Variants in EXOC4 observed in about 807,000 individuals in gnomAD.
EXOC4 encodes SEC8-like 1.
EXOC4 carries 71 observed loss-of-function variants against 107.2 expected under a neutral mutation model. The ratio of observed to expected loss-of-function variants is 0.66; its 90% CI spans 0.55 to 0.81. The LOEUF (loss-of-function observed/expected upper bound fraction) is 0.81. Among genes scored for constraint, EXOC4 ranks in the 30% least tolerant of loss-of-function variants. The pLI, the probability that EXOC4 is intolerant of heterozygous loss-of-function variation, is 0.00. For synonymous variants in EXOC4, 456 were observed against 441.2 expected (o/e 1.03, Z -0.42); for missense variants, 1,108 against 1,189.6 (o/e 0.93, Z 1.01).
intron 14 of EXOC4, 70 bp from the exon 15 acceptor site, chr7:133,997,422 A>G: frequency 6.4e-7 from 1 of 1,574,094 alleles, no homozygotes; most frequent in African/African-American, 1.3e-5. Context: ...GAACAGCAAA[A>G]TAATATGTCA....
chr7:133,312,881 G>A (rs575013910), intron 4 of EXOC4, among the ~76,000 whole-genome samples: 10 of 151,594 alleles, frequency 6.6e-5, no homozygotes, highest in Admixed American at 3.9e-4. Flanking sequence ...CTTTATAATC[G>A]GATAAAATTA....
intron 3 of EXOC4, among the ~76,000 whole-genome samples, chr7:133,293,326 T>G (rs1447032827): frequency 6.6e-6 from 1 of 152,162 alleles, no homozygotes; most frequent in African/African-American, 2.4e-5. Context: ...TGAAAAACAA[T>G]CACATTTTCT....
intron 2 of EXOC4, among the ~76,000 whole-genome samples, chr7:133,280,727 C>T (rs1794117166): frequency 6.6e-6 from 1 of 151,958 alleles, no homozygotes; most frequent in South Asian, 2.1e-4. Context: ...TGGTAGATAC[C>T]TAAAATAATT....
chr7:133,479,130 TAGA>T (rs1336275723), intron 8 of EXOC4: 3 of 152,230 alleles, frequency 2.0e-5, no homozygotes, highest in Admixed American at 6.5e-5. Context: ...CAGTCATTCT[TAGA>T]AGGATTCCTC....
intron 10 of EXOC4, among the ~76,000 whole-genome samples, chr7:133,749,734 T>G (rs1795751933): frequency 6.6e-6 from 1 of 152,162 alleles, no homozygotes; most frequent in South Asian, 2.1e-4. Flanking sequence ...GTAAACCTAA[T>G]CTTGTTAAAC....
intron 9 of EXOC4, among the ~76,000 whole-genome samples, chr7:133,615,258 T>C (rs1802167892): frequency 6.6e-6 from 1 of 151,024 alleles, no homozygotes; most frequent in Admixed American, 6.6e-5. Flanking sequence ...CAACCCCTCC[T>C]CTTCTCCCTC....
intron 7 of EXOC4, among the ~76,000 whole-genome samples, chr7:133,451,566 AC>A (rs1798348684): frequency 6.6e-6 from 1 of 151,524 alleles, no homozygotes; most frequent in Non-Finnish European, 1.5e-5. Context: ...TGTTTGATGG[AC>A]TCAGTACTTA....
intron 7 of EXOC4, among the ~76,000 whole-genome samples, chr7:133,465,779 A>G (rs1291817446): frequency 6.6e-6 from 1 of 152,234 alleles, no homozygotes; most frequent in East Asian, 1.9e-4. Context: ...ACTTCTGAAT[A>G]TACCATGGGT....
At chr7:133,681,392 T>TA (rs57385978) in intron 10 of EXOC4, among the ~76,000 whole-genome samples, 27 of 151,754 alleles carry the variant, frequency 1.8e-4, no homozygotes, top group African/African-American at 4.4e-4. Flanking sequence ...ATTTTTTTTT[T>TA]AAATAAATGT....
chr7:133,666,425 G>T (rs1300726696), intron 10 of EXOC4, among the ~76,000 whole-genome samples: 1 of 152,166 alleles, frequency 6.6e-6, no homozygotes. Flanking sequence ...CATATATTAA[G>T]GTGGTGGACA....
At chr7:133,870,443 T>C (rs1473861120) in intron 11 of EXOC4, among the ~76,000 whole-genome samples, 4 of 152,346 alleles carry the variant, frequency 2.6e-5, no homozygotes, top group African/African-American at 9.6e-5. Context: ...TATTTGACTT[T>C]TTCTTCTCTA....
chr7:133,987,534 C>G (rs1483734253), intron 14 of EXOC4, among the ~76,000 whole-genome samples: 1 of 152,026 alleles, frequency 6.6e-6, no homozygotes, highest in Non-Finnish European at 1.5e-5. Context: ...TATTTTATCC[C>G]AAGTTAGAGT....
At chr7:133,558,640 A>G (rs555358852) in intron 9 of EXOC4, among the ~76,000 whole-genome samples, 9 of 152,106 alleles carry the variant, frequency 5.9e-5, no homozygotes, top group Admixed American at 3.3e-4. Flanking sequence ...AATTTTAAAC[A>G]TATAGATTTT....
intron 10 of EXOC4, among the ~76,000 whole-genome samples, chr7:133,652,519 C>T (rs1437034318): frequency 2.6e-5 from 4 of 151,768 alleles, no homozygotes; most frequent in Non-Finnish European, 5.9e-5. Flanking sequence ...AGTGGAGTTT[C>T]CCCCTTGCCC....
chr7:133,384,468 G>C (rs1056816020), intron 7 of EXOC4, among the ~76,000 whole-genome samples: 1 of 152,094 alleles, frequency 6.6e-6, no homozygotes, highest in Non-Finnish European at 1.5e-5. Context: ...TGCTGCTACC[G>C]CTCCTTTAAG....
intron 11 of EXOC4, among the ~76,000 whole-genome samples, chr7:133,826,391 G>A (rs776144054): frequency 2.6e-5 from 4 of 152,154 alleles, no homozygotes; most frequent in Non-Finnish European, 4.4e-5. Flanking sequence ...GGTGGGAAAT[G>A]CATATAAAAC....
chr7:133,824,387 G>T (rs947221587), intron 11 of EXOC4, among the ~76,000 whole-genome samples: 7 of 151,876 alleles, frequency 4.6e-5, no homozygotes, highest in African/African-American at 1.7e-4. Context: ...TGCTGTTTAC[G>T]CACCTTCTGT....
the EXOC4 span, among the ~76,000 whole-genome samples, chr7:134,095,000 G>A: frequency 0.47 from 71,068 of 151,708 alleles, 17,049 homozygotes; most frequent in East Asian, 0.62. Context: ...ATCCCAATAG[G>A]AAAAGTCAAA....
intron 10 of EXOC4, among the ~76,000 whole-genome samples, chr7:133,708,153 T>G (rs1219462798): frequency 6.6e-6 from 1 of 152,194 alleles, no homozygotes. Flanking sequence ...ATATGACTCC[T>G]TGTTACAAGG....
Sources: allele counts gnomAD v4.1 joint callset (sites outside exome capture counted in the v4.1 genomes callset), GRCh38; gene constraint gnomAD v4.1.1; transcripts MANE v1.5; gene names NCBI Gene and HGNC (gene_info 2026-07-23, HGNC 2026-07-21).